Variants in FARS2 observed in about 807,000 individuals in gnomAD.
FARS2 encodes phenylalanine--tRNA ligase, mitochondrial.
A neutral mutation model predicts 46.4 loss-of-function variants in FARS2; 40 were observed. The observed-to-expected ratio is 0.86, with a 90% CI of 0.67 to 1.12. The LOEUF (loss-of-function observed/expected upper bound fraction) is 1.12. Among genes scored for constraint, FARS2 ranks in the 50% most tolerant of loss-of-function variants. FARS2 has a pLI of 0.00. For synonymous variants in FARS2, 234 were observed against 214.9 expected, an observed-to-expected ratio of 1.09 and a Z score of -0.78; for missense variants, 513 against 567.9, an observed-to-expected ratio of 0.90 and a Z score of 0.98.
intron 1 of FARS2, among the ~76,000 whole-genome samples, chr6:5,355,806 C>A (rs531319921): frequency 6.6e-6 from 1 of 152,276 alleles, no homozygotes; most frequent in African/African-American, 2.4e-5. Context: ...TGCTGTCTCC[C>A]AGCCACATCA....
intron 4 of FARS2, among the ~76,000 whole-genome samples, chr6:5,520,202 G>T (rs1386673369): frequency 1.3e-5 from 2 of 152,152 alleles, no homozygotes; most frequent in African/African-American, 4.8e-5. Flanking sequence ...ATGTGGGGTT[G>T]ATTTTTTTAA....
At chr6:5,699,590 C>G (rs777205925) in intron 6 of FARS2, among the ~76,000 whole-genome samples, 4 of 151,978 alleles carry the variant, frequency 2.6e-5, no homozygotes, top group Non-Finnish European at 5.9e-5. Flanking sequence ...TCACTGCAAC[C>G]TCCGCCTGCT....
rs540015233 is a variant in FARS2, at chr6:5,297,418, C to T, written c.-22+35758C>T. On this transcript the variant is annotated intron_variant, in intron 1 of 6. Coordinates refer to ENST00000274680, the MANE Select transcript of FARS2 (RefSeq NM_006567.5). ...ATCCCAGCACTTTGGGGGGCCAAGG[C>T]GGGTGGATCACTTAAGGTCAGGAGT... Among the ~76,000 whole-genome samples the T allele has an allele frequency of 4.6e-5, 7 of 152,290 alleles. No homozygotes were observed. The East Asian group carries it at 5.8e-4, about 13-fold the overall frequency.
intron 6 of FARS2, among the ~76,000 whole-genome samples, chr6:5,649,497 G>T (rs1777239183): frequency 6.6e-6 from 1 of 152,206 alleles, no homozygotes; most frequent in South Asian, 2.1e-4. Flanking sequence ...AGGAGCTGAG[G>T]GTGCAGGCTG....
Position 5,764,317 on chromosome 6 carries a change from T to A in FARS2, c.1218-6974T>A, listed in dbSNP as rs1582900219. Among the ~76,000 whole-genome samples the A allele has an allele frequency of 6.6e-6, 1 of 152,058 alleles. No homozygotes were observed. The highest frequency in any genetic ancestry group is 1.9e-4 in the East Asian group (1 of 5,190). On this transcript the variant is annotated intron_variant, in intron 6 of 6. Transcript: ENST00000274680. The surrounding 1 kb of genome is among the most constrained non-coding windows in gnomAD (Gnocchi z 4.1). ...CTCCACTCCACCATGCCCATTCACTTCTATATTTTCAGGAGAGGCCATGGA... is the reference window on the plus strand; with the variant it reads ...CTCCACTCCACCATGCCCATTCACTACTATATTTTCAGGAGAGGCCATGGA...
At chr6:5,279,544 TA>T (rs1337796194) in intron 1 of FARS2, among the ~76,000 whole-genome samples, 1 of 148,232 alleles carries the variant, frequency 6.7e-6, no homozygotes, top group Non-Finnish European at 1.5e-5. Flanking sequence ...ATAGAAAAAA[TA>T]AAAAATATAA....
At chr6:5,369,328 T>C (rs1758890790) in intron 2 of FARS2, 146 bp downstream of exon 2, 1 of 755,070 alleles carries the variant, frequency 1.3e-6, no homozygotes, top group Non-Finnish European at 2.1e-6. Flanking sequence ...AATGACATCT[T>C]GTGTATAGGT....
chr6:5,609,854 C>T (rs763880460), intron 5 of FARS2: 3 of 1,032,070 alleles, frequency 2.9e-6, no homozygotes, highest in Middle Eastern at 6.0e-4. Context: ...TGATGTTCTT[C>T]AGTGTCTTTA....
chr6:5,649,458 G>A (rs575502799), intron 6 of FARS2, among the ~76,000 whole-genome samples: 1 of 152,332 alleles, frequency 6.6e-6, no homozygotes, highest in East Asian at 1.9e-4. Context: ...GCAAGCTTCT[G>A]GTGACCCTTG....
rs1051674017 is a variant in FARS2 at position 5,764,065 on chromosome 6, G to A, written c.1218-7226G>A. On this transcript the variant is annotated intron_variant, in intron 6 of 6. Transcript: ENST00000274680. The surrounding 1 kb of genome is among the most constrained non-coding windows in gnomAD (Gnocchi z 4.1). ...CAGGAGTAAAGGAGGAAGATGGGGC[G>A]GATGCGTAGGTATGGAGCGCCTACT... 2.0e-5 allele frequency among the ~76,000 whole-genome samples: 3 copies of A among 152,050 alleles called. No individual in the cohort carries two copies. The highest frequency in any genetic ancestry group is 2.9e-5 in the Non-Finnish European group (2 of 68,008).
At chr6:5,315,745 T>TCTTTTTTTCTTTCTTTCTTC (rs1769454887) in intron 1 of FARS2, among the ~76,000 whole-genome samples, 1 of 150,208 alleles carries the variant, frequency 6.7e-6, no homozygotes. Flanking sequence ...TTTTTTCCTT[T>TCTTTTTTTCTTTCTTTCTTC]CTTTCTTTCT....
intron 1 of FARS2, among the ~76,000 whole-genome samples, chr6:5,351,440 C>A (rs1461510391): frequency 1.3e-5 from 2 of 152,070 alleles, no homozygotes; most frequent in African/African-American, 2.4e-5. Flanking sequence ...TTTAGCAAGC[C>A]CAGGAAAATC....
At chr6:5,523,737 G>A (rs1769292008) in intron 4 of FARS2, among the ~76,000 whole-genome samples, 2 of 152,186 alleles carry the variant, frequency 1.3e-5, no homozygotes, top group South Asian at 4.1e-4. Context: ...GTGTGCCTGT[G>A]TGTGTGTTTT....
chr6:5,471,292 GATCTTATTTTA>G lies in FARS2; in HGVS notation c.904+40126_904+40136del, dbSNP rs1765793617. Among the ~76,000 whole-genome samples, 1 of 152,142 alleles carries G rather than the reference GATCTTATTTTA, an allele frequency of 6.6e-6. No homozygotes were observed. The highest frequency in any genetic ancestry group is 1.5e-5 in the Non-Finnish European group (1 of 68,024). ...CGGTGCTAAGCGCCTAAAATAAGTA[GATCTTATTTTA>G]ATCTTGGGGAAACTGGGTATAAGAG... On this transcript the variant is annotated intron_variant, in intron 4 of 6. Coordinates refer to ENST00000274680, the MANE Select transcript of FARS2 (RefSeq NM_006567.5). This position sits in a 1 kb window ranked among gnomAD's most constrained non-coding sequence, Gnocchi z 4.1.
intron 6 of FARS2, among the ~76,000 whole-genome samples, chr6:5,664,736 A>G (rs973370528): frequency 2.6e-5 from 4 of 152,212 alleles, no homozygotes; most frequent in African/African-American, 9.6e-5. Context: ...AAGAGCACCA[A>G]CATGGACGCT....
At chr6:5,390,868 A>G (rs185671268) in intron 2 of FARS2, among the ~76,000 whole-genome samples, 30 of 152,320 alleles carry the variant, frequency 2.0e-4, no homozygotes, top group African/African-American at 6.7e-4. Context: ...ACATGATCAT[A>G]GCTTACATGT....
chr6:5,766,348 G>C (rs1228588070), intron 6 of FARS2, among the ~76,000 whole-genome samples: 1 of 152,154 alleles, frequency 6.6e-6, no homozygotes, highest in Non-Finnish European at 1.5e-5. Context: ...TTCCCAGCCA[G>C]CTGTCTGGCT....
At chr6:5,719,267 C>T (rs1338225250) in intron 6 of FARS2, among the ~76,000 whole-genome samples, 1 of 151,768 alleles carries the variant, frequency 6.6e-6, no homozygotes, top group East Asian at 1.9e-4. Flanking sequence ...CCTATGGTCC[C>T]AGCTACTTGG....
chr6:5,488,792 A>T lies in FARS2; in HGVS notation c.905-56388A>T, dbSNP rs112510076. On this transcript the variant is annotated intron_variant, in intron 4 of 6. Transcript: ENST00000274680. Reference sequence around the variant, plus strand: ...GGCTTTTAAATACTTCATACTCCGCATATCTAAATCTGAATCCATCATTTC... The same window carrying T: ...GGCTTTTAAATACTTCATACTCCGCTTATCTAAATCTGAATCCATCATTTC... Among the ~76,000 whole-genome samples, 492 of 152,234 alleles carry T rather than the reference A, an allele frequency of 3.2e-3. 2 individuals are homozygous for T. The highest frequency in any genetic ancestry group is 0.011 in the African/African-American group (450 of 41,528).
Sources: gnomAD v4.1 joint callset for allele counts (sites outside exome capture counted in the v4.1 genomes callset) on GRCh38, gnomAD v4.1.1 for gene constraint, Gnocchi (gnomAD v3.1) non-coding constraint, MANE v1.5 for transcripts, NCBI Gene and HGNC (gene_info 2026-07-23, HGNC 2026-07-21) for gene names.